The following CUX2 variants were observed in gnomAD, a reference collection of about 807,000 sequenced individuals.
The protein encoded by CUX2 is homeobox protein cut-like 2.
In CUX2, 40 loss-of-function variants were observed where a neutral mutation model predicts 144.8. That is an observed-to-expected ratio of 0.28 (90% confidence interval 0.21 to 0.36). The LOEUF is 0.36. Ranked by LOEUF, CUX2 falls within the 10% of genes least tolerant of loss-of-function variation. The pLI, the probability that CUX2 is intolerant of heterozygous loss-of-function variation, is 1.00. For missense variants in CUX2, 1,615 were observed against 1,994.0 expected (o/e 0.81, Z 3.62); for synonymous variants, 827 against 875.6 (o/e 0.94, Z 0.98).
At chr12:111,114,532 C>T (rs1352128556) in intron 1 of CUX2, among the ~76,000 whole-genome samples, 1 of 152,150 alleles carries the variant, frequency 6.6e-6, no homozygotes, top group African/African-American at 2.4e-5. Context: ...TATTTTCTCC[C>T]AGTGTGTGGC....
At chr12:111,169,669 G>A (rs1158094960) in intron 1 of CUX2, among the ~76,000 whole-genome samples, 1 of 152,128 alleles carries the variant, frequency 6.6e-6, no homozygotes, top group Non-Finnish European at 1.5e-5. Flanking sequence ...AGCCTGCTTC[G>A]CGTCACGTTA....
At chr12:111,146,357 C>G (rs1057377404) in intron 1 of CUX2, among the ~76,000 whole-genome samples, 2 of 152,230 alleles carry the variant, frequency 1.3e-5, no homozygotes, top group African/African-American at 2.4e-5. Flanking sequence ...CCTCTTTCCC[C>G]CAACGTTCCT....
intron 16 of CUX2, among the ~76,000 whole-genome samples, chr12:111,318,994 A>G (rs147952123): frequency 6.6e-6 from 1 of 152,172 alleles, no homozygotes; most frequent in Non-Finnish European, 1.5e-5. Flanking sequence ...CATTCTCTGC[A>G]TGGGCATTTG....
chr12:111,325,684 A>G (rs113014524), intron 18 of CUX2, among the ~76,000 whole-genome samples: 2 of 44,930 alleles, frequency 4.5e-5, no homozygotes, highest in African/African-American at 2.2e-4. Context: ...GGTTTTGTTT[A>G]TAGTGTTGTG....
intron 1 of CUX2, among the ~76,000 whole-genome samples, chr12:111,069,749 A>G (rs1170717538): frequency 1.3e-5 from 2 of 152,080 alleles, no homozygotes; most frequent in Non-Finnish European, 2.9e-5. Flanking sequence ...AGATTGAATT[A>G]GGGCCCACTG....
At chr12:111,184,597 A>AAAC (rs1210799889) in intron 1 of CUX2, among the ~76,000 whole-genome samples, 29 of 150,056 alleles carry the variant, frequency 1.9e-4, no homozygotes, top group Admixed American at 1.3e-3. Flanking sequence ...AAAAAAAAAA[A>AAAC]AACAGAAAAA....
At position 111,212,924 on chromosome 12, in the gene CUX2, G is replaced by A. The variant is rs565363203; in HGVS notation, c.64-1276G>A. 4.6e-5 allele frequency among the ~76,000 whole-genome samples: 7 copies of A among 152,268 alleles called. No homozygotes were observed. In the East Asian group the frequency reaches 9.6e-4, roughly 21 times the overall value. The stretch of plus-strand genomic sequence containing the variant: ...GAAAAGAATTTGCAGTGGGTTAATA[G>A]TACTTTTATTTCATTATCTAATGGC... On this transcript the variant is annotated intron_variant, in intron 1 of 21. Transcript: ENST00000261726.
chr12:111,227,035 G>T (rs1455223402), intron 3 of CUX2, among the ~76,000 whole-genome samples: 3 of 152,226 alleles, frequency 2.0e-5, no homozygotes, highest in African/African-American at 7.2e-5. Context: ...GGAGACACAA[G>T]ATGGAAGCTA....
rs755967917 is a variant in CUX2 at position 111,308,265 on chromosome 12, C to G, written c.1110-20C>G. On this transcript the variant is annotated intron_variant, in intron 12 of 21. Transcript: ENST00000261726. ...CCCGGGGGCTGGCTGACCTCAGACC[C>G]TCTCCACTTGCTCTGGCAGCATCCT... is the stretch of plus-strand genomic sequence containing the variant. 5.6e-6 allele frequency: 9 copies of G among 1,614,016 alleles called. 1 individual carries two copies. The South Asian group carries it at 9.9e-5, about 18-fold the overall frequency.
In CUX2 at chr12:111,077,098, A is replaced by G. The variant is rs1273478084; in HGVS notation, c.63+42858A>G. 6.6e-6 allele frequency among the ~76,000 whole-genome samples: 1 copy of G among 152,088 alleles called. No homozygotes were observed. Among genetic ancestry groups the G allele is most frequent in the East Asian group, 1.9e-4 (1 of 5,188 alleles). On this transcript the variant is annotated intron_variant, in intron 1 of 21. Coordinates refer to ENST00000261726, the MANE Select transcript of CUX2 (RefSeq NM_015267.4). The surrounding 1 kb of genome is among the most constrained non-coding windows in gnomAD (Gnocchi z 4.1). Reference sequence around the variant, plus strand: ...TGAACTGATTGTATTGCCTGTTCCTAACTGTTTGCAGAATACATCTCTGCC... The same window carrying G: ...TGAACTGATTGTATTGCCTGTTCCTGACTGTTTGCAGAATACATCTCTGCC...
At chr12:111,174,737 A>G (rs918594167) in intron 1 of CUX2, among the ~76,000 whole-genome samples, 4 of 152,220 alleles carry the variant, frequency 2.6e-5, no homozygotes, top group Non-Finnish European at 4.4e-5. Flanking sequence ...TGACCAGACA[A>G]AGGGAACAGG....
In CUX2 at chr12:111,320,534, C is replaced by T. The variant is rs749241101; in HGVS notation, c.2525C>T (p.Ala842Val). Residue 842 changes from alanine to valine, a missense_variant, in exon 17 of 22, where the codon GCG becomes GTG. Physicochemically the swap from Ala to Val is moderately conservative, Grantham distance 64. Transcript: ENST00000261726. The surrounding 1 kb of genome is among the most constrained non-coding windows in gnomAD (Gnocchi z 8.1). ...CCCGAGGACGAGGCGGCGGCAGGGG[C>T]GGAGGACGAACCCCCCAGGACGGGC... ...VPPEDEAAAG[A>V]EDEPPRTGEL... 13 of 1,553,474 alleles carry T rather than the reference C, an allele frequency of 8.4e-6. No homozygotes were observed. The highest frequency in any genetic ancestry group is 5.8e-5 in the South Asian group (5 of 86,312).
intron 1 of CUX2, among the ~76,000 whole-genome samples, chr12:111,149,012 AAAG>A (rs1876874209): frequency 6.6e-6 from 1 of 152,106 alleles, no homozygotes; most frequent in African/African-American, 2.4e-5. Context: ...GTGGAAAAAA[AAAG>A]AAGTGGTAGG....
chr12:111,076,199 C>T (rs1480012083), intron 1 of CUX2, among the ~76,000 whole-genome samples: 3 of 152,170 alleles, frequency 2.0e-5, no homozygotes, highest in Admixed American at 6.5e-5. Context: ...AAGATCAGGT[C>T]CTCAGGCTGG....
chr12:111,055,099 A>G (rs896643819), intron 1 of CUX2, among the ~76,000 whole-genome samples: 1 of 152,228 alleles, frequency 6.6e-6, no homozygotes, highest in Non-Finnish European at 1.5e-5. Context: ...GAGACTGTGT[A>G]TCATTGGGAC....
intron 3 of CUX2, among the ~76,000 whole-genome samples, chr12:111,230,961 G>A (rs778474670): frequency 1.3e-5 from 2 of 152,218 alleles, no homozygotes; most frequent in Non-Finnish European, 2.9e-5. Context: ...AGCACAGACA[G>A]CAGTGGAATG....
intron 3 of CUX2, among the ~76,000 whole-genome samples, chr12:111,250,640 A>G (rs2136274422): frequency 6.6e-6 from 1 of 152,288 alleles, no homozygotes; most frequent in East Asian, 1.9e-4. Context: ...GCTGGTGGCA[A>G]TTGTCTGTGG....
At chr12:111,291,759 G>A (rs1885707514) in intron 5 of CUX2, among the ~76,000 whole-genome samples, 1 of 152,114 alleles carries the variant, frequency 6.6e-6, no homozygotes, top group South Asian at 2.1e-4. Flanking sequence ...CTGCCCTTGT[G>A]GTGATGATCT....
At chr12:111,154,477 G>T (rs573242870) in intron 1 of CUX2, among the ~76,000 whole-genome samples, 2 of 152,074 alleles carry the variant, frequency 1.3e-5, no homozygotes, top group African/African-American at 4.8e-5. Context: ...AAGGCCAGCC[G>T]GGCCACCTTT....
Sources: allele counts gnomAD v4.1 joint callset (sites outside exome capture counted in the v4.1 genomes callset), GRCh38; gene constraint gnomAD v4.1.1; non-coding constraint Gnocchi (gnomAD v3.1); transcripts MANE v1.5; gene names NCBI Gene and HGNC (gene_info 2026-07-23, HGNC 2026-07-21).